The following CHN2 variants were observed in gnomAD, a reference collection of about 807,000 sequenced individuals.
The protein encoded by CHN2 is beta-chimaerin.
CHN2 carries 35 observed loss-of-function variants against 56.3 expected under a neutral mutation model. The ratio of observed to expected loss-of-function variants is 0.62; its 90% CI spans 0.47 to 0.82. The LOEUF (loss-of-function observed/expected upper bound fraction) is 0.82, where lower values mean the gene tolerates loss of function less well. CHN2 is among the 40% of genes least tolerant of loss of function. CHN2 has a pLI of 0.00. For missense variants in CHN2, 491 were observed against 580.5 expected, an observed-to-expected ratio of 0.85 and a Z score of 1.58; for synonymous variants, 210 against 212.8, an observed-to-expected ratio of 0.99 and a Z score of 0.12.
intron 1 of CHN2, among the ~76,000 whole-genome samples, chr7:29,340,619 T>A (rs1585103402): frequency 6.6e-6 from 1 of 152,270 alleles, no homozygotes; most frequent in Non-Finnish European, 1.5e-5. Context: ...AACTGGACAG[T>A]GCTCCTACGG....
rs1173420012 is a variant in CHN2, at chr7:29,512,636, G to A, written c.1308G>A (p.Met436Ile). ...NLGIVFGPTLMRPPEDSTLTT... is the reference protein window; with the variant it reads ...NLGIVFGPTLIRPPEDSTLTT... Reference sequence around the variant, plus strand: ...GGATCGTGTTTGGGCCCACTCTGATGAGGCCCCCTGAGGACAGCACCCTGA... The same window carrying A: ...GGATCGTGTTTGGGCCCACTCTGATAAGGCCCCCTGAGGACAGCACCCTGA... The change falls in exon 13 of 13, where the codon ATG becomes ATA. Residue 436 changes from methionine (M) to isoleucine (I), a missense_variant. Met to Ile is a conservative substitution (Grantham distance 10). Coordinates refer to ENST00000222792, the MANE Select transcript of CHN2 (RefSeq NM_004067.4). 1 of 1,614,090 alleles carries A rather than the reference G, an allele frequency of 6.2e-7. No individual in the cohort carries two copies. The highest frequency in any genetic ancestry group is 1.1e-5 in the South Asian group (1 of 91,070).
intron 1 of CHN2, among the ~76,000 whole-genome samples, chr7:29,235,728 C>G (rs772600299): frequency 6.6e-6 from 1 of 152,184 alleles, no homozygotes; most frequent in Non-Finnish European, 1.5e-5. Context: ...GAAATCATGT[C>G]CTTTGCAGCA....
intron 6 of CHN2, among the ~76,000 whole-genome samples, chr7:29,439,686 T>C (rs1783489961): frequency 6.6e-6 from 1 of 152,218 alleles, no homozygotes; most frequent in African/African-American, 2.4e-5. Flanking sequence ...GTGTCTCTTA[T>C]TCACAGCTTT....
intron 2 of CHN2, among the ~76,000 whole-genome samples, chr7:29,183,853 C>G (rs770656769): frequency 6.6e-6 from 1 of 152,074 alleles, no homozygotes; most frequent in East Asian, 1.9e-4. Context: ...ATGCATTCAA[C>G]CAACCAAAAA....
chr7:29,512,734 A>G lies in CHN2; in HGVS notation c.1406A>G (p.Ter469=). The G allele has an allele frequency of 1.2e-6, 2 of 1,613,816 alleles. No individual in the cohort carries two copies. The highest frequency in any genetic ancestry group is 1.7e-6 in the Non-Finnish European group (2 of 1,179,888). The change falls in exon 13 of 13, where the codon TAA becomes TGA. Residue 469 remains the stop codon, a stop_retained_variant. Coordinates refer to ENST00000222792, the MANE Select transcript of CHN2 (RefSeq NM_004067.4). ...ATAGAAAACGAAGACGTTTTATTCT[A>G]ATCCATCAGGGAAATGAGCTGAATG... ...ILIENEDVLF[*]
intron 6 of CHN2, among the ~76,000 whole-genome samples, chr7:29,417,134 G>T (rs532719610): frequency 1.3e-5 from 2 of 152,270 alleles, no homozygotes; most frequent in South Asian, 4.1e-4. Context: ...CCAGCTGCTC[G>T]CAGTCCTGAG....
At chr7:29,494,001 A>C (rs1189715452) in intron 7 of CHN2, among the ~76,000 whole-genome samples, 1 of 152,094 alleles carries the variant, frequency 6.6e-6, no homozygotes, top group Non-Finnish European at 1.5e-5. Context: ...CTTCACTCCA[A>C]TTCCTCTCCC....
At chr7:29,409,798 G>C (rs569419955) in intron 6 of CHN2, among the ~76,000 whole-genome samples, 2 of 152,282 alleles carry the variant, frequency 1.3e-5, no homozygotes, top group South Asian at 2.1e-4. Flanking sequence ...CCCAAACATT[G>C]GTGGGCCACA....
intron 3 of CHN2, among the ~76,000 whole-genome samples, chr7:29,386,912 A>G (rs1454808287): frequency 2.0e-5 from 3 of 152,254 alleles, no homozygotes; most frequent in Non-Finnish European, 4.4e-5. Context: ...AAGACCATTC[A>G]GATAATCTAA....
At chr7:29,267,986 A>G (rs1790280390) in intron 1 of CHN2, among the ~76,000 whole-genome samples, 1 of 152,170 alleles carries the variant, frequency 6.6e-6, no homozygotes, top group South Asian at 2.1e-4. Flanking sequence ...GTGTTATGGA[A>G]GGTTCTTTTC....
chr7:29,499,961 C>CCTCACAACACTTGTGAAGG lies in CHN2; in HGVS notation c.846_864dup (p.Gln289CysfsTer20). 2 of 1,610,592 alleles carry CCTCACAACACTTGTGAAGG rather than the reference C, an allele frequency of 1.2e-6. No homozygotes were observed. Among genetic ancestry groups the CCTCACAACACTTGTGAAGG allele is most frequent in the Non-Finnish European group, 1.7e-6 (2 of 1,178,378 alleles). On this transcript the variant is annotated frameshift_variant, in exon 9 of 13. Coordinates refer to ENST00000222792, the MANE Select transcript of CHN2 (RefSeq NM_004067.4). LOFTEE classifies it high-confidence loss of function. ...GGATCAAGAAAGTGTACTGTTGTGA[C>CCTCACAACACTTGTGAAGG]CTCACAACACTTGTGAAGGCTCACA...
chr7:29,273,357 A>ATATATATATATATGTG lies in CHN2; in HGVS notation c.49+78380_49+78381insGTGTATATATATATAT, dbSNP rs1790872066. 5.3e-5 allele frequency among the ~76,000 whole-genome samples: 4 copies of ATATATATATATATGTG among 76,074 alleles called. 1 individual carries two copies. Among genetic ancestry groups the ATATATATATATATGTG allele is most frequent in the East Asian group, 5.3e-4 (1 of 1,896 alleles). 49.9% of individuals were successfully genotyped at this position (76,074 alleles called of 152,430 possible). A position where few individuals can be genotyped will look rare whatever the true frequency, so the allele number is the denominator to read the frequency against. On this transcript the variant is annotated intron_variant, in intron 1 of 12. Coordinates refer to ENST00000222792, the MANE Select transcript of CHN2 (RefSeq NM_004067.4). ...TATATATATGTGTATATATATATAT[A>ATATATATATATATGTG]TATATATATATATATATATATATAT...
chr7:29,478,693 G>T (rs1350513951), intron 6 of CHN2, among the ~76,000 whole-genome samples: 1 of 152,172 alleles, frequency 6.6e-6, no homozygotes, highest in Non-Finnish European at 1.5e-5. Context: ...TCATCCAAAA[G>T]AATCGGGAAT....
intron 1 of CHN2, among the ~76,000 whole-genome samples, chr7:29,225,810 G>A (rs1374502270): frequency 1.3e-5 from 2 of 152,122 alleles, no homozygotes; most frequent in Non-Finnish European, 2.9e-5. Context: ...TGAGGGGACA[G>A]TTACTATTGA....
At chr7:29,276,361 G>A (rs1042214646) in intron 1 of CHN2, among the ~76,000 whole-genome samples, 1 of 152,206 alleles carries the variant, frequency 6.6e-6, no homozygotes, top group African/African-American at 2.4e-5. Flanking sequence ...TTGACTGGAG[G>A]CTGTCCCATG....
chr7:29,493,696 G>A (rs1173046698), intron 7 of CHN2, among the ~76,000 whole-genome samples: 1 of 151,954 alleles, frequency 6.6e-6, no homozygotes, highest in Non-Finnish European at 1.5e-5. Context: ...CTACTGTCAG[G>A]TCCTATAAAT....
At chr7:29,257,377 C>T (rs1429846417) in intron 1 of CHN2, among the ~76,000 whole-genome samples, 1 of 152,232 alleles carries the variant, frequency 6.6e-6, no homozygotes, top group Non-Finnish European at 1.5e-5. Flanking sequence ...GAGTATCTCA[C>T]AGCAGTTTGG....
At chr7:29,460,857 ATTTG>A (rs930492619) in intron 6 of CHN2, among the ~76,000 whole-genome samples, 4 of 152,172 alleles carry the variant, frequency 2.6e-5, no homozygotes, top group Non-Finnish European at 5.9e-5. Flanking sequence ...TTTGCTACCA[ATTTG>A]TTTGGGGACT....
intron 1 of CHN2, among the ~76,000 whole-genome samples, chr7:29,272,144 C>T (rs1231167564): frequency 6.6e-6 from 1 of 151,416 alleles, no homozygotes; most frequent in Non-Finnish European, 1.5e-5. Flanking sequence ...TAACATGCTG[C>T]CGACTGGATG....
Sources: allele counts gnomAD v4.1 joint callset (sites outside exome capture counted in the v4.1 genomes callset), GRCh38; gene constraint gnomAD v4.1.1; transcripts MANE v1.5; gene names NCBI Gene and HGNC (gene_info 2026-07-23, HGNC 2026-07-21).